The following PLXNA4 variants were observed in gnomAD, a reference collection of about 807,000 sequenced individuals.
PLXNA4 encodes the protein plexin A4.
PLXNA4 carries 44 observed loss-of-function variants against 191.8 expected under a neutral mutation model. The ratio of observed to expected loss-of-function variants is 0.23; its 90% CI spans 0.18 to 0.29. PLXNA4 has a LOEUF of 0.29. PLXNA4 is among the 10% of genes least tolerant of loss of function. The pLI is 1.00. For synonymous variants in PLXNA4, 1,082 were observed against 1,009.5 expected (o/e 1.07, Z -1.36); for missense variants, 1,800 against 2,488.8 (o/e 0.72, Z 5.89).
At chr7:132,164,342 C>A in intron 23 of PLXNA4, 54 bp from the exon 24 acceptor site, 2 of 1,595,268 alleles carry the variant, frequency 1.3e-6, no homozygotes, top group East Asian at 2.3e-5. Flanking sequence ...TGGAGTGTAC[C>A]CCCAGTCCCT....
At chr7:132,158,405 T>C (rs1364074206) in intron 25 of PLXNA4, among the ~76,000 whole-genome samples, 2 of 152,188 alleles carry the variant, frequency 1.3e-5, no homozygotes, top group African/African-American at 2.4e-5. Context: ...CCCACCACTA[T>C]GTTACCAGGA....
At chr7:132,246,804 CAT>C (rs1799073945) in intron 4 of PLXNA4, among the ~76,000 whole-genome samples, 3 of 151,700 alleles carry the variant, frequency 2.0e-5, no homozygotes, top group African/African-American at 7.3e-5. Flanking sequence ...TCATCATCAT[CAT>C]CCTCATCATC....
At chr7:132,140,530 G>T (rs981605789) in intron 30 of PLXNA4, 69 bp downstream of exon 30, 114 of 1,578,008 alleles carry the variant, frequency 7.2e-5, no homozygotes, top group Non-Finnish European at 9.5e-5. Flanking sequence ...ATGGGGAGGG[G>T]ACCTTTTGTT....
intron 1 of PLXNA4, among the ~76,000 whole-genome samples, chr7:132,574,541 G>T (rs911857944): frequency 1.3e-5 from 2 of 152,230 alleles, no homozygotes; most frequent in South Asian, 4.1e-4. Context: ...CTCTGAGAAC[G>T]CATGTGTGTA....
intron 3 of PLXNA4, chr7:132,367,619 A>G (rs535185567): frequency 6.6e-6 from 1 of 152,344 alleles, no homozygotes; most frequent in Admixed American, 6.5e-5. Flanking sequence ...AATAAAACCA[A>G]TAATAAGTCC....
chr7:132,192,430 G>C (rs1797120810), intron 14 of PLXNA4, among the ~76,000 whole-genome samples: 1 of 151,818 alleles, frequency 6.6e-6, no homozygotes, highest in Non-Finnish European at 1.5e-5. Context: ...ATGAGATAAA[G>C]GAGGGAGGGA....
At chr7:132,310,889 G>A (rs1315152957) in intron 3 of PLXNA4, among the ~76,000 whole-genome samples, 1 of 152,210 alleles carries the variant, frequency 6.6e-6, no homozygotes, top group Non-Finnish European at 1.5e-5. Flanking sequence ...GTTCACCTAT[G>A]ACAAGGGGCA....
At chr7:132,473,115 A>G (rs1378316562) in intron 3 of PLXNA4, among the ~76,000 whole-genome samples, 1 of 152,198 alleles carries the variant, frequency 6.6e-6, no homozygotes, top group Admixed American at 6.5e-5. Context: ...AATAAGACCA[A>G]ATCCCTGCAA....
At chr7:132,151,279 G>GAGGAGGAGGAAGAAGA (rs1554372922) in intron 25 of PLXNA4, among the ~76,000 whole-genome samples, 848 of 78,096 alleles carry the variant, frequency 0.011, 42 homozygotes, top group African/African-American at 0.031. Context: ...GAAGAAGAAG[G>GAGGAGGAGGAAGAAGA]AGGAGGAGGA....
At chr7:132,344,045 C>T (rs756187786) in intron 3 of PLXNA4, among the ~76,000 whole-genome samples, 16 of 152,320 alleles carry the variant, frequency 1.1e-4, no homozygotes, top group Non-Finnish European at 2.2e-4. Flanking sequence ...GCCCATAATG[C>T]CCCTAGTACC....
chr7:132,163,674 G>A (rs1796015325), intron 24 of PLXNA4, among the ~76,000 whole-genome samples: 1 of 152,196 alleles, frequency 6.6e-6, no homozygotes, highest in Admixed American at 6.5e-5. Context: ...TTGGCCTTGC[G>A]TTATACAGCT....
intron 22 of PLXNA4, 53 bp from the exon 23 acceptor site, chr7:132,165,253 T>C: frequency 6.3e-7 from 1 of 1,590,256 alleles, no homozygotes. Flanking sequence ...AAGAAGCAGC[T>C]GGTCAGAGCC....
At chr7:132,143,923 T>A (rs1032986282) in intron 29 of PLXNA4, among the ~76,000 whole-genome samples, 11 of 152,140 alleles carry the variant, frequency 7.2e-5, no homozygotes, top group Non-Finnish European at 1.6e-4. Context: ...CCTACCTGGT[T>A]TTTCATATTC....
intron 3 of PLXNA4, among the ~76,000 whole-genome samples, chr7:132,481,014 A>C (rs763843179): frequency 2.0e-5 from 3 of 152,152 alleles, no homozygotes; most frequent in Non-Finnish European, 4.4e-5. Flanking sequence ...CCATGCAAGC[A>C]AAGCTACAGG....
chr7:132,596,948 T>C (rs1802720554), intron 2 of PLXNA4, among the ~76,000 whole-genome samples: 1 of 152,128 alleles, frequency 6.6e-6, no homozygotes, highest in African/African-American at 2.4e-5. Context: ...TTATATTTTA[T>C]TACTAATTGA....
At chr7:132,247,356 A>G (rs1799095240) in intron 4 of PLXNA4, among the ~76,000 whole-genome samples, 1 of 152,174 alleles carries the variant, frequency 6.6e-6, no homozygotes, top group South Asian at 2.1e-4. Flanking sequence ...ATTAATTTAA[A>G]TGTCCAAAAG....
At chr7:132,268,374 C>A (rs900865593) in intron 4 of PLXNA4, among the ~76,000 whole-genome samples, 1 of 152,214 alleles carries the variant, frequency 6.6e-6, no homozygotes, top group African/African-American at 2.4e-5. Context: ...ACAGTTTCCT[C>A]CTTTGCCTCA....
chr7:132,583,535 C>T (rs1047238362), intron 2 of PLXNA4, among the ~76,000 whole-genome samples: 2 of 151,968 alleles, frequency 1.3e-5, no homozygotes, highest in Admixed American at 6.6e-5. Context: ...AGGATTAGGA[C>T]GAGAGAAGAA....
At chr7:132,191,752 A>G (rs1293183448) in intron 14 of PLXNA4, among the ~76,000 whole-genome samples, 7 of 92,352 alleles carry the variant, frequency 7.6e-5, no homozygotes, top group Non-Finnish European at 1.4e-4. Context: ...TACCTGGCGA[A>G]TGTCATCCCT....
Sources: allele counts gnomAD v4.1 joint callset (sites outside exome capture counted in the v4.1 genomes callset), GRCh38; gene constraint gnomAD v4.1.1; transcripts MANE v1.5; gene names NCBI Gene and HGNC (gene_info 2026-07-23, HGNC 2026-07-21).